Variants in FBXL4 observed in about 807,000 individuals in gnomAD.
FBXL4 encodes the protein F-box and leucine rich repeat protein 4, also known as F-box/LRR-repeat protein 4.
FBXL4 carries 40 observed loss-of-function variants against 58.9 expected under a neutral mutation model. The ratio of observed to expected loss-of-function variants is 0.68; its 90% CI spans 0.53 to 0.88. FBXL4 has a LOEUF of 0.88. Among genes scored for constraint, FBXL4 ranks in the 40% least tolerant of loss-of-function variants. FBXL4 has a pLI of 0.00. For missense variants in FBXL4, 676 were observed against 734.4 expected, an observed-to-expected ratio of 0.92 and a Z score of 0.92; for synonymous variants, 263 against 265.5, an observed-to-expected ratio of 0.99 and a Z score of 0.09.
intron 5 of FBXL4, among the ~76,000 whole-genome samples, chr6:98,910,587 G>A (rs1269850032): frequency 6.6e-6 from 1 of 151,934 alleles, no homozygotes; most frequent in African/African-American, 2.4e-5. Context: ...AACCCAGGAG[G>A]CGGAGCTTGC....
intron 5 of FBXL4, among the ~76,000 whole-genome samples, chr6:98,912,946 G>T (rs886798319): frequency 6.6e-6 from 1 of 151,862 alleles, no homozygotes; most frequent in Admixed American, 6.6e-5. Flanking sequence ...CACGTGCAGA[G>T]ACACACATAG....
rs540052796 is a variant in FBXL4, at chr6:98,868,757, A to G, written c.*5521T>C. ...TTTAAATGTTTTCCTTAAAATTTTTATAACTAATACTTCACTAATTACTTT... is the reference window on the plus strand; with the variant it reads ...TTTAAATGTTTTCCTTAAAATTTTTGTAACTAATACTTCACTAATTACTTT... On this transcript the variant is annotated 3_prime_UTR_variant, in exon 10 of 10. Transcript: ENST00000369244. 7.9e-5 allele frequency: 12 copies of G among 152,358 alleles called. No individual in the cohort carries two copies. The highest frequency in any genetic ancestry group is 8.8e-5 in the Non-Finnish European group (6 of 68,040). 9.4% of individuals were successfully genotyped at this position (152,358 alleles called of 1,614,324 possible).
At position 98,927,077 on chromosome 6, in the gene FBXL4, C is replaced by A; in HGVS notation, c.-72-17G>T. The A allele has an allele frequency of 7.8e-7, 1 of 1,289,010 alleles. No individual in the cohort carries two copies. Among genetic ancestry groups the A allele is most frequent in the South Asian group, 1.4e-5 (1 of 69,912 alleles). The allele number at this position is 1,289,010 out of a possible 1,614,324, so 79.8% of individuals were successfully genotyped here. ...AAGGATGTTCTAAAAAAATGAATGG[C>A]TTGGTGAAGTAAAATAATTTAAATA... On this transcript the variant is annotated splice_polypyrimidine_tract_variant and intron_variant, in intron 3 of 9. Coordinates refer to ENST00000369244, the MANE Select transcript of FBXL4 (RefSeq NM_001278716.2).
At chr6:98,884,867 C>T (rs955302158) in intron 7 of FBXL4, among the ~76,000 whole-genome samples, 2 of 152,080 alleles carry the variant, frequency 1.3e-5, no homozygotes, top group Admixed American at 6.6e-5. Flanking sequence ...CTAGTACCAG[C>T]GGTTAGAGTG....
At chr6:98,901,590 C>T (rs1401313199) in intron 6 of FBXL4, among the ~76,000 whole-genome samples, 1 of 152,100 alleles carries the variant, frequency 6.6e-6, no homozygotes, top group East Asian at 1.9e-4. Flanking sequence ...TCTCAAGAAT[C>T]CCATATTGCA....
At chr6:98,893,081 CT>C (rs1240168495) in intron 7 of FBXL4, among the ~76,000 whole-genome samples, 1 of 152,152 alleles carries the variant, frequency 6.6e-6, no homozygotes, top group African/African-American at 2.4e-5. Context: ...ACTTTCACCC[CT>C]GACTCCAGAT....
At chr6:98,946,623 A>G (rs1263505755) in intron 1 of FBXL4, among the ~76,000 whole-genome samples, 1 of 152,218 alleles carries the variant, frequency 6.6e-6, no homozygotes, top group Non-Finnish European at 1.5e-5. Context: ...CCATCTTACA[A>G]TGAGTTGACT....
chr6:98,875,100 C>G (rs1488701997), intron 9 of FBXL4, among the ~76,000 whole-genome samples: 2 of 143,068 alleles, frequency 1.4e-5, no homozygotes, highest in Non-Finnish European at 3.1e-5. Context: ...TTAATTTCTT[C>G]TCTCCTTAAT....
intron 6 of FBXL4, among the ~76,000 whole-genome samples, chr6:98,901,782 T>G (rs1298179250): frequency 6.6e-6 from 1 of 152,194 alleles, no homozygotes; most frequent in Non-Finnish European, 1.5e-5. Context: ...TTTACTTTAA[T>G]GCATAATTAC....
At chr6:98,916,610 T>C (rs1194196236) in intron 5 of FBXL4, among the ~76,000 whole-genome samples, 9 of 151,862 alleles carry the variant, frequency 5.9e-5, no homozygotes, top group South Asian at 4.2e-4. Flanking sequence ...TAGGTGGGAA[T>C]TGAACAATGA....
In FBXL4 at chr6:98,905,648, T is replaced by C. The variant is rs1771781250; in HGVS notation, c.881A>G (p.His294Arg). The stretch of plus-strand genomic sequence containing the variant: ...TCTACACAGGTCTGGTAGTGTAAGA[T>C]GATTCAGAATCAGCTGAATAAGCTA... The part of the protein sequence containing the change: ...PYELIQLILN[H>R]LTLPDLCRLA... Residue 294 changes from histidine (H) to arginine (R), a missense_variant, in exon 6 of 10, where the codon CAT becomes CGT. By Grantham distance (29) the His-to-Arg change is conservative. Coordinates refer to ENST00000369244, the MANE Select transcript of FBXL4 (RefSeq NM_001278716.2). 1 of 1,613,818 alleles carries C rather than the reference T, an allele frequency of 6.2e-7. No individual in the cohort carries two copies. Among genetic ancestry groups the C allele is most frequent in the African/African-American group, 1.3e-5 (1 of 75,032 alleles).
chr6:98,897,243 A>T, intron 7 of FBXL4: 1 of 985,398 alleles, frequency 1.0e-6, no homozygotes, highest in Non-Finnish European at 1.2e-6. Flanking sequence ...GCCAGTAAAA[A>T]GCAGGTATGG....
intron 5 of FBXL4, among the ~76,000 whole-genome samples, chr6:98,914,431 C>T (rs1010607352): frequency 1.3e-5 from 2 of 152,150 alleles, no homozygotes; most frequent in Admixed American, 1.3e-4. Context: ...AAAATACTGG[C>T]AAACCGAATC....
intron 4 of FBXL4, among the ~76,000 whole-genome samples, chr6:98,921,114 A>G (rs989034513): frequency 6.6e-6 from 1 of 152,180 alleles, no homozygotes; most frequent in African/African-American, 2.4e-5. Flanking sequence ...GGAGCATTCA[A>G]TTCTGGGATA....
chr6:98,938,612 G>C (rs1246532248), intron 1 of FBXL4, among the ~76,000 whole-genome samples: 1 of 152,110 alleles, frequency 6.6e-6, no homozygotes, highest in Non-Finnish European at 1.5e-5. Context: ...TAAGGCTGGG[G>C]GTTAGTAGCT....
At chr6:98,879,984 A>G (rs1770794306) in intron 8 of FBXL4, among the ~76,000 whole-genome samples, 1 of 150,982 alleles carries the variant, frequency 6.6e-6, no homozygotes, top group South Asian at 2.1e-4. Context: ...AGGACTTTGA[A>G]GCTTATCTAG....
intron 8 of FBXL4, among the ~76,000 whole-genome samples, chr6:98,876,448 A>C (rs1321190308): frequency 6.6e-6 from 1 of 152,252 alleles, no homozygotes. Context: ...TATTAAAATT[A>C]TCACAAGGAA....
chr6:98,898,834 T>C, intron 7 of FBXL4: 1 of 985,324 alleles, frequency 1.0e-6, no homozygotes, highest in South Asian at 4.7e-5. Context: ...ACATGATTCC[T>C]TTTTAAATGA....
intron 4 of FBXL4, among the ~76,000 whole-genome samples, chr6:98,918,677 A>G (rs1482373310): frequency 1.3e-5 from 2 of 152,100 alleles, no homozygotes; most frequent in African/African-American, 2.4e-5. Flanking sequence ...TACTTCAATT[A>G]TCACCTTTTC....
Sources: allele counts gnomAD v4.1 joint callset (sites outside exome capture counted in the v4.1 genomes callset), GRCh38; gene constraint gnomAD v4.1.1; transcripts MANE v1.5; gene names NCBI Gene and HGNC (gene_info 2026-07-23, HGNC 2026-07-21).